DARS1: variants seen among roughly 807,000 people sequenced by gnomAD.
DARS1 encodes aspartate--tRNA ligase, cytoplasmic.
In DARS1, 51 loss-of-function variants were observed where a neutral mutation model predicts 68.8. That is an observed-to-expected ratio of 0.74 (90% CI 0.59 to 0.94). The LOEUF is 0.94. DARS1 is among the 40% of genes least tolerant of loss of function. The probability of loss-of-function intolerance (pLI) is 0.00; values close to 1 mark genes in which losing one functional copy is unlikely to be tolerated. For synonymous variants in DARS1, 203 were observed against 190.4 expected, an observed-to-expected ratio of 1.07 and a Z score of -0.55; for missense variants, 607 against 597.3, an observed-to-expected ratio of 1.02 and a Z score of -0.17.
At chr2:135,915,962 C>T (rs1277985582) in intron 11 of DARS1, among the ~76,000 whole-genome samples, 1 of 151,998 alleles carries the variant, frequency 6.6e-6, no homozygotes, top group Non-Finnish European at 1.5e-5. Flanking sequence ...TTTCAGATCA[C>T]ACATTATATA....
At chr2:135,959,122 T>A (rs945249139) in intron 4 of DARS1, among the ~76,000 whole-genome samples, 4 of 152,004 alleles carry the variant, frequency 2.6e-5, no homozygotes, top group African/African-American at 7.2e-5. Flanking sequence ...CCGGCTGCGG[T>A]GGCTCATGCC....
chr2:135,979,286 T>C lies in DARS1; in HGVS notation c.205A>G (p.Ser69Gly), dbSNP rs374855218. 4.4e-5 allele frequency: 61 copies of C among 1,392,312 alleles called. No homozygotes were observed. Among genetic ancestry groups the C allele is most frequent in the Non-Finnish European group, 6.1e-5 (60 of 977,978 alleles). 86.2% of individuals were successfully genotyped at this position (1,392,312 alleles called of 1,614,324 possible). ...VVWVRARVHT[S>G]RAKGKQCFLV... Reference sequence around the variant, plus strand: ...AAACCAATCCTACCTTTAGCTCTGCTTGTATGAACTCTTGCACGTACCCAA... The same window carrying C: ...AAACCAATCCTACCTTTAGCTCTGCCTGTATGAACTCTTGCACGTACCCAA... Residue 69 changes from serine to glycine, a missense_variant, in exon 3 of 16, where the codon AGC (serine) becomes GGC (glycine). Coordinates refer to ENST00000264161, the MANE Select transcript of DARS1 (RefSeq NM_001349.4).
intron 10 of DARS1, among the ~76,000 whole-genome samples, chr2:135,918,077 G>A (rs1681043732): frequency 1.3e-5 from 2 of 151,900 alleles, no homozygotes; most frequent in Admixed American, 1.3e-4. Context: ...GTGCCACCAT[G>A]CCTGGCTAAT....
intron 4 of DARS1, among the ~76,000 whole-genome samples, chr2:135,945,351 C>T (rs770978315): frequency 3.3e-5 from 5 of 152,268 alleles, no homozygotes; most frequent in Non-Finnish European, 5.9e-5. Flanking sequence ...TGGTCTTGAA[C>T]TCCTGACCTC....
At chr2:135,916,919 G>A (rs73957069) in intron 10 of DARS1, among the ~76,000 whole-genome samples, 12 of 152,200 alleles carry the variant, frequency 7.9e-5, no homozygotes, top group Admixed American at 2.0e-4. Context: ...ATTTTTGACC[G>A]GGTGCAGTGG....
At chr2:135,939,682 GAC>G (rs1681553579) in intron 5 of DARS1, among the ~76,000 whole-genome samples, 1 of 152,154 alleles carries the variant, frequency 6.6e-6, no homozygotes, top group Non-Finnish European at 1.5e-5. Flanking sequence ...AGGAGACAGA[GAC>G]ACAAAAACCC....
At chr2:135,941,299 G>A (rs939746997) in intron 5 of DARS1, among the ~76,000 whole-genome samples, 5 of 152,142 alleles carry the variant, frequency 3.3e-5, no homozygotes, top group Non-Finnish European at 7.4e-5. Flanking sequence ...CATGGTACTG[G>A]TACCAAAACA....
chr2:135,973,748 T>C (rs1312983269), intron 3 of DARS1, among the ~76,000 whole-genome samples: 2 of 152,080 alleles, frequency 1.3e-5, no homozygotes, highest in Admixed American at 1.3e-4. Context: ...CATGTGCCTG[T>C]AGTCCCAGCT....
intron 4 of DARS1, among the ~76,000 whole-genome samples, chr2:135,948,797 G>A (rs1479476282): frequency 2.6e-5 from 4 of 151,688 alleles, no homozygotes; most frequent in African/African-American, 9.7e-5. Flanking sequence ...TTTAACCTGG[G>A]AGGCAGAGGC....
intron 5 of DARS1, among the ~76,000 whole-genome samples, chr2:135,935,884 C>T (rs1481244993): frequency 6.6e-6 from 1 of 152,180 alleles, no homozygotes; most frequent in Non-Finnish European, 1.5e-5. Flanking sequence ...AGCTTAGATA[C>T]TCCAAGAAAT....
chr2:135,982,943 T>C (rs189716039), intron 2 of DARS1, among the ~76,000 whole-genome samples: 56 of 152,210 alleles, frequency 3.7e-4, no homozygotes, highest in African/African-American at 1.3e-3. Flanking sequence ...ATATAAATGT[T>C]TGGGAAGAGT....
At position 135,907,261 on chromosome 2, in the gene DARS1, T is replaced by TTTTTTTTTTTTTTTTTTGG; in HGVS notation, c.*54_*55insCCAAAAAAAAAAAAAAAAA. ...GGCTTTCTTTTTTTTTTTTTTTTTT[T>TTTTTTTTTTTTTTTTTTGG]GAGGCAGGGTCTCGCTCTGTCATCC... On this transcript the variant is annotated 3_prime_UTR_variant, in exon 16 of 16. Coordinates refer to ENST00000264161, the MANE Select transcript of DARS1 (RefSeq NM_001349.4). The TTTTTTTTTTTTTTTTTTGG allele has an allele frequency of 9.0e-6, 8 of 889,228 alleles. No individual in the cohort carries two copies. The highest frequency in any genetic ancestry group is 3.1e-5 in the East Asian group (1 of 32,218). The allele number at this position is 889,228 out of a possible 1,614,324, so 55.1% of individuals were successfully genotyped here. A position where few individuals can be genotyped will look rare whatever the true frequency, so the allele number is the denominator to read the frequency against.
At chr2:135,959,209 T>C (rs1309012600) in intron 4 of DARS1, among the ~76,000 whole-genome samples, 3 of 151,606 alleles carry the variant, frequency 2.0e-5, no homozygotes, top group African/African-American at 7.3e-5. Flanking sequence ...CTGACCAACA[T>C]GGAGAAACCT....
In DARS1 at chr2:135,983,447, G is replaced by T; in HGVS notation, c.74C>A (p.Ala25Asp). 8.5e-7 allele frequency: 1 copy of T among 1,173,010 alleles called. No homozygotes were observed. The highest frequency in any genetic ancestry group is 1.3e-6 in the Non-Finnish European group (1 of 790,926). 72.7% of individuals were successfully genotyped at this position (1,173,010 alleles called of 1,614,324 possible). A position where few individuals can be genotyped will look rare whatever the true frequency, so the allele number is the denominator to read the frequency against. The change falls in exon 2 of 16, where the codon GCT (alanine) becomes GAT (aspartate). Residue 25 changes from alanine to aspartate, a missense_variant. Transcript: ENST00000264161. ...REIMDAAEDY[A>D]KERYGISSMI... ...TGAAGATATTCCATATCTCTCTTTA[G>T]CATAATCCTACAAAAAAAGTTTTTT...
intron 4 of DARS1, among the ~76,000 whole-genome samples, chr2:135,953,248 A>G (rs1681882859): frequency 2.0e-5 from 3 of 152,368 alleles, no homozygotes; most frequent in African/African-American, 7.2e-5. Flanking sequence ...ATTCTAGGAA[A>G]GGACTTTAGT....
Position 135,937,850 on chromosome 2 carries a change from C to T in DARS1, c.424-3860G>A, listed in dbSNP as rs181826317. On this transcript the variant is annotated intron_variant, in intron 5 of 15. Transcript: ENST00000264161. ...CTCTTCTGGCTTGTAAAGTTTCTGCCGAGATATCAGCTGTTAGTCTGATGG... is the reference window on the plus strand; with the variant it reads ...CTCTTCTGGCTTGTAAAGTTTCTGCTGAGATATCAGCTGTTAGTCTGATGG... 6.8e-3 allele frequency among the ~76,000 whole-genome samples: 1,036 copies of T among 152,334 alleles called. 3 individuals carry two copies. Among genetic ancestry groups the T allele is most frequent in the Admixed American group, 0.011 (167 of 15,310 alleles).
intron 3 of DARS1, among the ~76,000 whole-genome samples, chr2:135,967,751 T>G (rs565051093): frequency 5.3e-5 from 8 of 152,346 alleles, no homozygotes; most frequent in African/African-American, 4.8e-5. Flanking sequence ...CATTTCCTTA[T>G]TCACAGTTTC....
At chr2:135,915,349 G>C (rs1680982535) in intron 11 of DARS1, among the ~76,000 whole-genome samples, 1 of 152,160 alleles carries the variant, frequency 6.6e-6, no homozygotes, top group Non-Finnish European at 1.5e-5. Context: ...ACAGTGGCAT[G>C]ATCATGGGTT....
intron 10 of DARS1, among the ~76,000 whole-genome samples, chr2:135,919,259 G>A (rs1681066068): frequency 6.6e-6 from 1 of 152,150 alleles, no homozygotes; most frequent in East Asian, 1.9e-4. Context: ...TTGAACTTCT[G>A]ACCTCAAGTG....
Sources: allele counts gnomAD v4.1 joint callset (sites outside exome capture counted in the v4.1 genomes callset), GRCh38; gene constraint gnomAD v4.1.1; transcripts MANE v1.5; gene names NCBI Gene and HGNC (gene_info 2026-07-23, HGNC 2026-07-21).